Variants in ROBO2 observed in about 807,000 individuals in gnomAD.
The protein encoded by ROBO2 is roundabout homolog 2.
In ROBO2, 53 loss-of-function variants were observed where a neutral mutation model predicts 160.8. The ratio of observed to expected loss-of-function variants is 0.33; its 90% CI spans 0.26 to 0.41. The LOEUF is 0.41. Ranked by LOEUF, ROBO2 falls within the 10% of genes least tolerant of loss-of-function variation. The probability of loss-of-function intolerance (pLI) is 1.00; values close to 1 mark genes in which losing one functional copy is unlikely to be tolerated. For missense variants in ROBO2, 1,577 were observed against 1,722.4 expected, an observed-to-expected ratio of 0.92 and a Z score of 1.49; for synonymous variants, 664 against 611.7, an observed-to-expected ratio of 1.09 and a Z score of -1.26.
chr3:76,394,287 G>A (rs188939445), intron 2 of ROBO2, among the ~76,000 whole-genome samples: 10 of 152,122 alleles, frequency 6.6e-5, no homozygotes, highest in African/African-American at 2.2e-4. Context: ...TCCATGTTTA[G>A]TGCTTCCTTC....
intron 2 of ROBO2, among the ~76,000 whole-genome samples, chr3:76,651,159 CA>C (rs2091238268): frequency 6.6e-6 from 1 of 152,152 alleles, no homozygotes. Context: ...TTCAGGCACT[CA>C]AAACCTCAGG....
chr3:77,086,445 C>T (rs751198332), intron 1 of ROBO2, among the ~76,000 whole-genome samples: 10 of 152,116 alleles, frequency 6.6e-5, no homozygotes, highest in Non-Finnish European at 1.5e-4. Flanking sequence ...AATTTCAAGT[C>T]AGTCCTACTG....
chr3:76,143,536 C>G (rs1454042631), intron 2 of ROBO2, among the ~76,000 whole-genome samples: 2 of 152,004 alleles, frequency 1.3e-5, no homozygotes, highest in Non-Finnish European at 2.9e-5. Flanking sequence ...ATGCCATGAA[C>G]TAGCAATACT....
chr3:76,265,219 C>T (rs1707023352), intron 2 of ROBO2, among the ~76,000 whole-genome samples: 1 of 152,110 alleles, frequency 6.6e-6, no homozygotes, highest in South Asian at 2.1e-4. Context: ...TCTTCACCAA[C>T]ATTCTGCCTG....
chr3:76,038,954 G>T (rs2107753403), intron 2 of ROBO2, among the ~76,000 whole-genome samples: 1 of 152,134 alleles, frequency 6.6e-6, no homozygotes, highest in East Asian at 1.9e-4. Flanking sequence ...AGCAGCAATG[G>T]AATTGGACTG....
intron 2 of ROBO2, among the ~76,000 whole-genome samples, chr3:76,847,848 A>G (rs1404767683): frequency 2.0e-5 from 3 of 152,060 alleles, no homozygotes; most frequent in Non-Finnish European, 4.4e-5. Flanking sequence ...AAGAATTGTA[A>G]TTTATTCTGA....
At chr3:76,294,370 C>G (rs1420951720) in intron 2 of ROBO2, among the ~76,000 whole-genome samples, 1 of 152,138 alleles carries the variant, frequency 6.6e-6, no homozygotes, top group Non-Finnish European at 1.5e-5. Context: ...CTGGCCACGC[C>G]TCCCCGACTG....
chr3:76,948,898 ATATATATATATTTTT>A (rs1398645331), intron 2 of ROBO2, among the ~76,000 whole-genome samples: 6 of 31,382 alleles, frequency 1.9e-4, no homozygotes, highest in Non-Finnish European at 2.8e-4. Flanking sequence ...ATATATATAT[ATATATATATATTTTT>A]TTTTTTTTTT....
chr3:76,792,439 G>T (rs969623874), intron 2 of ROBO2, among the ~76,000 whole-genome samples: 16 of 151,674 alleles, frequency 1.1e-4, no homozygotes, highest in African/African-American at 3.4e-4. Flanking sequence ...TTTTGGGATA[G>T]ATAACGAATA....
intron 2 of ROBO2, among the ~76,000 whole-genome samples, chr3:77,011,130 A>G (rs1205353068): frequency 8.4e-5 from 4 of 47,772 alleles, no homozygotes; most frequent in African/African-American, 3.4e-4. Flanking sequence ...TTCTTTCTTT[A>G]ATTTTTCTTT....
intron 2 of ROBO2, among the ~76,000 whole-genome samples, chr3:76,567,634 TATATATATATATATATATAC>T (rs1338734947): frequency 8.3e-5 from 7 of 84,602 alleles, no homozygotes; most frequent in Non-Finnish European, 1.5e-4. Flanking sequence ...TATATATATA[TATATATATATATATATATAC>T]ACATACACAT....
intron 2 of ROBO2, among the ~76,000 whole-genome samples, chr3:76,249,410 A>G (rs565886466): frequency 3.3e-5 from 5 of 152,070 alleles, no homozygotes; most frequent in Non-Finnish European, 7.4e-5. Context: ...AAATAAGAGA[A>G]TTTTAATAAG....
intron 2 of ROBO2, among the ~76,000 whole-genome samples, chr3:76,726,469 G>A (rs968832910): frequency 2.0e-5 from 3 of 152,058 alleles, no homozygotes; most frequent in Non-Finnish European, 2.9e-5. Flanking sequence ...AAGTTTTCAT[G>A]TTTCTCTGTG....
At chr3:77,113,973 A>G (rs2073947999) in intron 2 of ROBO2, among the ~76,000 whole-genome samples, 2 of 152,192 alleles carry the variant, frequency 1.3e-5, no homozygotes, top group Non-Finnish European at 1.5e-5. Context: ...GTCCTGGAGG[A>G]GTGAAGTGAC....
chr3:76,231,926 AT>A (rs1218944339), intron 2 of ROBO2, among the ~76,000 whole-genome samples: 1 of 152,182 alleles, frequency 6.6e-6, no homozygotes, highest in Non-Finnish European at 1.5e-5. Flanking sequence ...ATACTTGATA[AT>A]TTTTTATTAC....
chr3:77,485,857 G>A (rs1380071825), intron 4 of ROBO2, among the ~76,000 whole-genome samples: 1 of 152,074 alleles, frequency 6.6e-6, no homozygotes, highest in African/African-American at 2.4e-5. Flanking sequence ...TGCCATGGTG[G>A]TTTGCTGCAC....
intron 4 of ROBO2, among the ~76,000 whole-genome samples, chr3:77,490,150 G>A (rs1450272657): frequency 6.7e-6 from 1 of 149,206 alleles, no homozygotes; most frequent in Non-Finnish European, 1.5e-5. Context: ...TCCCAGGCTG[G>A]AGTGCAGGGG....
chr3:77,173,206 A>G (rs2079805751), intron 2 of ROBO2, among the ~76,000 whole-genome samples: 1 of 152,186 alleles, frequency 6.6e-6, no homozygotes, highest in African/African-American at 2.4e-5. Context: ...TTAATAATAG[A>G]TAGCAATTAA....
At chr3:76,220,960 A>C (rs34392385) in intron 2 of ROBO2, among the ~76,000 whole-genome samples, 50,318 of 152,040 alleles carry the variant, frequency 0.33, 9,264 homozygotes, top group Non-Finnish European at 0.41. Flanking sequence ...TCGTTTCTAA[A>C]AGGATGGGCC....
Sources: gnomAD v4.1 joint callset for allele counts (sites outside exome capture counted in the v4.1 genomes callset) on GRCh38, gnomAD v4.1.1 for gene constraint, MANE v1.5 for transcripts, NCBI Gene and HGNC (gene_info 2026-07-23, HGNC 2026-07-21) for gene names.